ARHGAP25: variants seen among roughly 807,000 people sequenced by gnomAD.
ARHGAP25 encodes Rho GTPase activating protein 25.
Under a neutral mutation model 71.0 loss-of-function variants are expected in ARHGAP25, and 34 were observed. The ratio of observed to expected loss-of-function variants is 0.48; its 90% confidence interval spans 0.36 to 0.64. The LOEUF (loss-of-function observed/expected upper bound fraction) is 0.64, where lower values mean the gene tolerates loss of function less well. Among genes scored for constraint, ARHGAP25 ranks in the 30% least tolerant of loss-of-function variants. The pLI is 0.00. For synonymous variants in ARHGAP25, 282 were observed against 296.5 expected (o/e 0.95, Z 0.50); for missense variants, 706 against 805.1 (o/e 0.88, Z 1.49).
chr2:68,765,360 T>TAA (rs71397305), intron 1 of ARHGAP25, among the ~76,000 whole-genome samples: 317 of 145,148 alleles, frequency 2.2e-3, no homozygotes, highest in Middle Eastern at 7.0e-3. Context: ...AGTTGACATG[T>TAA]AAAAAAAAAA....
intron 1 of ARHGAP25, among the ~76,000 whole-genome samples, chr2:68,745,025 A>G (rs988400187): frequency 3.9e-5 from 6 of 152,246 alleles, no homozygotes; most frequent in African/African-American, 1.4e-4. Flanking sequence ...TGACTTAACT[A>G]CGAAGACATA....
intron 2 of ARHGAP25, among the ~76,000 whole-genome samples, chr2:68,778,622 T>C (rs1271643489): frequency 2.6e-5 from 4 of 152,182 alleles, no homozygotes; most frequent in Non-Finnish European, 5.9e-5. Flanking sequence ...ACACTGATGA[T>C]GTGTGTGTTG....
intron 5 of ARHGAP25, among the ~76,000 whole-genome samples, chr2:68,810,585 A>G (rs970584520): frequency 6.6e-6 from 1 of 152,160 alleles, no homozygotes; most frequent in Admixed American, 6.5e-5. Context: ...TCCATGGTGT[A>G]GCTGTATTTA....
intron 4 of ARHGAP25, among the ~76,000 whole-genome samples, chr2:68,788,862 T>G (rs1678952842): frequency 1.3e-5 from 2 of 152,174 alleles, no homozygotes; most frequent in Admixed American, 6.5e-5. Flanking sequence ...ATTTATTTCA[T>G]TGGCCTACAG....
At chr2:68,793,224 T>C (rs985718597) in intron 4 of ARHGAP25, among the ~76,000 whole-genome samples, 1 of 152,194 alleles carries the variant, frequency 6.6e-6, no homozygotes, top group Non-Finnish European at 1.5e-5. Context: ...ATTTAGTAGG[T>C]TGTCTGTTCA....
At chr2:68,800,400 G>A (rs990261346) in intron 4 of ARHGAP25, among the ~76,000 whole-genome samples, 1 of 152,172 alleles carries the variant, frequency 6.6e-6, no homozygotes, top group African/African-American at 2.4e-5. Flanking sequence ...GGGGTTGAGG[G>A]TTAAGGGGTG....
intron 2 of ARHGAP25, among the ~76,000 whole-genome samples, chr2:68,726,569 G>T (rs971240217): frequency 6.6e-6 from 1 of 152,170 alleles, no homozygotes; most frequent in Non-Finnish European, 1.5e-5. Context: ...AATAATGCCC[G>T]TCTTGGCCTT....
chr2:68,793,166 T>C (rs1435058099), intron 4 of ARHGAP25, among the ~76,000 whole-genome samples: 1 of 152,234 alleles, frequency 6.6e-6, no homozygotes, highest in African/African-American at 2.4e-5. Flanking sequence ...TTGTAGATTC[T>C]GGATATTAGT....
chr2:68,727,701 G>A (rs1192061732), intron 2 of ARHGAP25, among the ~76,000 whole-genome samples: 1 of 152,206 alleles, frequency 6.6e-6, no homozygotes, highest in Non-Finnish European at 1.5e-5. Flanking sequence ...TTTATCTGAT[G>A]CTCATCCGTG....
At chr2:68,799,998 T>A (rs1322493449) in intron 4 of ARHGAP25, among the ~76,000 whole-genome samples, 1 of 152,214 alleles carries the variant, frequency 6.6e-6, no homozygotes, top group Non-Finnish European at 1.5e-5. Flanking sequence ...TGGCACTGCT[T>A]GTTTGCTGGG....
chr2:68,798,514 A>AGG (rs1190257729), intron 4 of ARHGAP25, among the ~76,000 whole-genome samples: 4 of 34,968 alleles, frequency 1.1e-4, no homozygotes, highest in African/African-American at 4.8e-4. Context: ...GAAAGAGGAG[A>AGG]GAGAAAAAAA....
intron 4 of ARHGAP25, among the ~76,000 whole-genome samples, chr2:68,792,425 T>A (rs2104411768): frequency 6.6e-6 from 1 of 152,348 alleles, no homozygotes; most frequent in Admixed American, 6.5e-5. Flanking sequence ...CTCATCCTTC[T>A]GAGTTTCTGT....
chr2:68,803,393 G>A (rs1199527828), intron 4 of ARHGAP25, among the ~76,000 whole-genome samples: 2 of 152,304 alleles, frequency 1.3e-5, no homozygotes, highest in Non-Finnish European at 2.9e-5. Flanking sequence ...TAGTGAAGAA[G>A]TGCAGGCTAA....
At position 68,824,370 on chromosome 2, in the gene ARHGAP25, A is replaced by G. The variant is rs935291803; in HGVS notation, c.1733+1498A>G. ...GGAACCCATGGTCAGGATCTAGCAC[A>G]GTGCCTCACTTGGAATTTCTTCCAG... On this transcript the variant is annotated intron_variant, in intron 10 of 10. Coordinates refer to ENST00000409202, the MANE Select transcript of ARHGAP25 (RefSeq NM_001007231.3). Among the ~76,000 whole-genome samples, 4 of 152,340 alleles carry G rather than the reference A, an allele frequency of 2.6e-5. No individual in the cohort carries two copies. The South Asian group carries it at 6.2e-4, about 24-fold the overall frequency.
In ARHGAP25 at chr2:68,817,954, C is replaced by T; in HGVS notation, c.963C>T (p.Leu321=). 6.2e-7 allele frequency: 1 copy of T among 1,614,152 alleles called. No homozygotes were observed. The highest frequency in any genetic ancestry group is 8.5e-7 in the Non-Finnish European group (1 of 1,179,998). The stretch of plus-strand genomic sequence containing the variant: ...TGGCTACTGTGATTGGTGTGAATCT[C>T]ATCAGGTCGAAGGTCGAAGACCCTG... ...DNLATVIGVN[L]IRSKVEDPAV... Residue 321 remains leucine, a synonymous_variant, in exon 8 of 11, where the codon CTC becomes CTT. Coordinates refer to ENST00000409202, the MANE Select transcript of ARHGAP25 (RefSeq NM_001007231.3).
intron 2 of ARHGAP25, among the ~76,000 whole-genome samples, chr2:68,715,572 C>G (rs2104249089): frequency 6.6e-6 from 1 of 152,098 alleles, no homozygotes; most frequent in African/African-American, 2.4e-5. Context: ...GGCATTGCAC[C>G]GGGTGCTTTC....
In ARHGAP25 at chr2:68,822,668, C is replaced by A. The variant is rs1449422351; in HGVS notation, c.1529C>A (p.Pro510Gln). 4 of 1,613,966 alleles carry A rather than the reference C, an allele frequency of 2.5e-6. No individual in the cohort carries two copies. The highest frequency in any genetic ancestry group is 3.3e-5 in the Admixed American group (2 of 59,996). Residue 510 changes from proline to glutamine, a missense_variant, in exon 10 of 11, where the codon CCA becomes CAA. Transcript: ENST00000409202. The stretch of plus-strand genomic sequence containing the variant: ...ACCTACGATAACGTCCCTTCCCTGC[C>A]AGGGTCCCCTGGGGAGGAAGCCAGT... ...TSTYDNVPSL[P>Q]GSPGEEASAL...
At chr2:68,761,704 G>A (rs768373288) in intron 1 of ARHGAP25, among the ~76,000 whole-genome samples, 6 of 152,130 alleles carry the variant, frequency 3.9e-5, no homozygotes, top group Non-Finnish European at 8.8e-5. Flanking sequence ...CACCCATTAT[G>A]ATGGCTGCTA....
At chr2:68,807,863 G>A (rs1160379109) in intron 5 of ARHGAP25, among the ~76,000 whole-genome samples, 1 of 152,162 alleles carries the variant, frequency 6.6e-6, no homozygotes, top group Non-Finnish European at 1.5e-5. Flanking sequence ...CAGTGTAGTG[G>A]AGAATGCACC....
Sources: allele counts gnomAD v4.1 joint callset (sites outside exome capture counted in the v4.1 genomes callset), GRCh38; gene constraint gnomAD v4.1.1; transcripts MANE v1.5; gene names NCBI Gene and HGNC (gene_info 2026-07-23, HGNC 2026-07-21).